The following PCDH11Y variants were observed in gnomAD, a reference collection of about 807,000 sequenced individuals.
The protein encoded by PCDH11Y is protocadherin-11 Y-linked.
For missense variants in PCDH11Y, 12 were observed against 224.8 expected (o/e 0.05, Z 6.05); for synonymous variants, 9 against 83.6 (o/e 0.11, Z 4.87).
chrY:5,108,029 A>G (rs2052795849), downstream of PCDH11Y, among the ~76,000 whole-genome samples: 1 of 24,672 alleles, frequency 4.1e-5, no homozygotes, highest in Non-Finnish European at 9.2e-5. Flanking sequence ...ACTGCACTCC[A>G]GCCTGGGCGA....
intron 3 of PCDH11Y, among the ~76,000 whole-genome samples, chrY:5,515,051 G>C: frequency 3.0e-5 from 1 of 33,857 alleles, no homozygotes; most frequent in Admixed American, 2.7e-4. Flanking sequence ...AATGAAGATA[G>C]TTTTAGGCAA....
At chrY:5,481,445 G>A (rs1602931841) in intron 2 of PCDH11Y, among the ~76,000 whole-genome samples, 1 of 32,125 alleles carries the variant, frequency 3.1e-5, no homozygotes, top group African/African-American at 1.2e-4. Context: ...TGTTGGTCTC[G>A]CTGGGAGCTG....
intron 3 of PCDH11Y, among the ~76,000 whole-genome samples, chrY:5,042,627 T>C: frequency 7.2e-5 from 1 of 13,847 alleles, no homozygotes; most frequent in East Asian, 1.8e-3. Context: ...TTTAAAGTAG[T>C]TTTTTCCAAT....
intron 1 of PCDH11Y, among the ~76,000 whole-genome samples, chrY:5,012,326 G>C: frequency 3.1e-5 from 1 of 32,299 alleles, no homozygotes; most frequent in Non-Finnish European, 7.5e-5. Flanking sequence ...CATGGCTAGG[G>C]GAGGCCTCAG....
intron 1 of PCDH11Y, among the ~76,000 whole-genome samples, chrY:5,093,509 T>C (rs1602861391): frequency 1.5e-4 from 5 of 33,161 alleles, no homozygotes; most frequent in Admixed American, 2.7e-4. Flanking sequence ...TGATCACACG[T>C]ATCCGTGTTT....
chrY:5,506,168 A>AT (rs2053358803), intron 3 of PCDH11Y, among the ~76,000 whole-genome samples: 1 of 29,157 alleles, frequency 3.4e-5, no homozygotes, highest in African/African-American at 1.3e-4. Context: ...CAGTGATCTA[A>AT]TTATTTATCT....
intron 3 of PCDH11Y, among the ~76,000 whole-genome samples, chrY:5,536,162 G>A (rs2053400176): frequency 3.1e-5 from 1 of 31,761 alleles, no homozygotes; most frequent in Non-Finnish European, 7.7e-5. Context: ...TCCTGACCTC[G>A]TGATCTGCCC....
At chrY:5,248,050 C>T in intron 2 of PCDH11Y, among the ~76,000 whole-genome samples, 1 of 31,621 alleles carries the variant, frequency 3.2e-5, no homozygotes, top group Admixed American at 2.9e-4. Flanking sequence ...CTGAATAAAC[C>T]AATAACAAGT....
intron 1 of PCDH11Y, among the ~76,000 whole-genome samples, chrY:5,059,694 C>A: frequency 3.0e-5 from 1 of 33,334 alleles, no homozygotes. Context: ...AGATTGTCAG[C>A]AAATGACAAA....
At chrY:5,001,733 G>A (rs2052530885) in intron 1 of PCDH11Y, among the ~76,000 whole-genome samples, 4 of 34,781 alleles carry the variant, frequency 1.2e-4, no homozygotes, top group African/African-American at 4.4e-4. Flanking sequence ...GCATCTGAGC[G>A]CTTAGTCGCA....
intron 2 of PCDH11Y, among the ~76,000 whole-genome samples, chrY:5,384,551 C>T: frequency 3.6e-5 from 1 of 27,646 alleles, no homozygotes; most frequent in Admixed American, 3.5e-4. Flanking sequence ...TTTTCTAGAA[C>T]AAATAAAAAG....
At chrY:5,520,972 G>A in intron 3 of PCDH11Y, among the ~76,000 whole-genome samples, 1 of 30,017 alleles carries the variant, frequency 3.3e-5, no homozygotes, top group Non-Finnish European at 7.9e-5. Context: ...AATCAGATAT[G>A]TGTATGGCAT....
At chrY:5,615,276 G>C in intron 4 of PCDH11Y, 1 of 95,189 alleles carries the variant, frequency 1.1e-5, no homozygotes, top group Non-Finnish European at 2.3e-5. Context: ...GATTTTATCA[G>C]TTAATTGGTA....
At chrY:5,650,174 C>A (rs2053530322) in intron 4 of PCDH11Y, among the ~76,000 whole-genome samples, 1 of 32,709 alleles carries the variant, frequency 3.1e-5, no homozygotes, top group Admixed American at 2.8e-4. Context: ...CATGTTAATG[C>A]ATTATTTTCA....
intron 2 of PCDH11Y, among the ~76,000 whole-genome samples, chrY:5,363,942 C>T: frequency 4.2e-5 from 1 of 23,972 alleles, no homozygotes; most frequent in East Asian, 1.1e-3. Context: ...GCAACCTCCG[C>T]CTCCCAGGTT....
chrY:5,212,586 A>G (rs2052940603), intron 2 of PCDH11Y, among the ~76,000 whole-genome samples: 1 of 32,285 alleles, frequency 3.1e-5, no homozygotes, highest in Non-Finnish European at 7.6e-5. Context: ...TTCTTTTTAG[A>G]AGTTAAAATT....
intron 2 of PCDH11Y, among the ~76,000 whole-genome samples, chrY:5,116,383 A>T: frequency 3.0e-5 from 1 of 33,697 alleles, no homozygotes; most frequent in Non-Finnish European, 7.4e-5. Flanking sequence ...AGCTATTAAC[A>T]TTCTTAAAGT....
intron 2 of PCDH11Y, among the ~76,000 whole-genome samples, chrY:5,229,043 G>A: frequency 6.2e-5 from 2 of 32,234 alleles, no homozygotes; most frequent in African/African-American, 2.4e-4. Context: ...AGTTATTATT[G>A]TATTGGGAAC....
chrY:5,064,956 A>C, intron 1 of PCDH11Y, among the ~76,000 whole-genome samples: 2 of 31,947 alleles, frequency 6.3e-5, no homozygotes, highest in African/African-American at 2.5e-4. Flanking sequence ...ACCTCCAGTG[A>C]TCCTCCCGCC....
Sources: allele counts gnomAD v4.1 joint callset (sites outside exome capture counted in the v4.1 genomes callset), GRCh38; gene constraint gnomAD v4.1.1; transcripts MANE v1.5; gene names NCBI Gene and HGNC (gene_info 2026-07-23, HGNC 2026-07-21).